Variants in GRK5 observed in about 807,000 individuals in gnomAD.
The protein encoded by GRK5 is g protein-coupled receptor kinase GRK5.
GRK5 carries 40 observed loss-of-function variants against 78.4 expected under a neutral mutation model. The observed-to-expected ratio is 0.51, with a 90% CI of 0.40 to 0.66. The LOEUF (loss-of-function observed/expected upper bound fraction) is 0.66. Ranked by LOEUF, GRK5 falls within the 30% of genes least tolerant of loss-of-function variation. The pLI is 0.00. For missense variants in GRK5, 598 were observed against 759.9 expected, an observed-to-expected ratio of 0.79 and a Z score of 2.50; for synonymous variants, 289 against 296.8, an observed-to-expected ratio of 0.97 and a Z score of 0.27.
At chr10:119,349,986 C>T (rs139188182) in intron 2 of GRK5, among the ~76,000 whole-genome samples, 49 of 152,372 alleles carry the variant, frequency 3.2e-4, no homozygotes, top group African/African-American at 1.1e-3. Flanking sequence ...TCTTGTTTTA[C>T]GGACCAGGCT....
At chr10:119,292,597 T>G (rs1325660649) in intron 1 of GRK5, among the ~76,000 whole-genome samples, 1 of 152,200 alleles carries the variant, frequency 6.6e-6, no homozygotes, top group Non-Finnish European at 1.5e-5. Flanking sequence ...GGGACAAGGC[T>G]CTCCAATCAT....
chr10:119,270,431 T>C (rs1321252634), intron 1 of GRK5, among the ~76,000 whole-genome samples: 1 of 152,244 alleles, frequency 6.6e-6, no homozygotes, highest in Non-Finnish European at 1.5e-5. Flanking sequence ...ACTTACATTG[T>C]ATTAGGTATT....
intron 13 of GRK5, among the ~76,000 whole-genome samples, chr10:119,449,769 A>G (rs368452738): frequency 6.6e-6 from 1 of 152,356 alleles, no homozygotes; most frequent in East Asian, 1.9e-4. Flanking sequence ...AGCCTGGGCG[A>G]CGGAGCGAGA....
chr10:119,265,675 C>T (rs998074566), intron 1 of GRK5, among the ~76,000 whole-genome samples: 5 of 152,220 alleles, frequency 3.3e-5, no homozygotes, highest in African/African-American at 9.6e-5. Flanking sequence ...TCAGTACAGT[C>T]GGAGTTCTCA....
intron 1 of GRK5, among the ~76,000 whole-genome samples, chr10:119,254,712 C>A (rs371002707): frequency 2.0e-5 from 3 of 151,936 alleles, no homozygotes; most frequent in African/African-American, 7.3e-5. Flanking sequence ...CAGGCAGAGA[C>A]ATATCAAAAC....
At position 119,430,521 on chromosome 10, in the gene GRK5, T is replaced by C. The variant is rs2133894348; in HGVS notation, c.597+83T>C. ...TCCCTTCTAAATCAACCTAAAGGGT[T>C]GGCCCACGGGTCCCCCGGGGGCACC... On this transcript the variant is annotated intron_variant, in intron 7 of 15. Coordinates refer to ENST00000392870, the MANE Select transcript of GRK5 (RefSeq NM_005308.3). This position sits in a 1 kb window ranked among gnomAD's most constrained non-coding sequence, Gnocchi z 4.5. 1 of 1,350,570 alleles carries C rather than the reference T, an allele frequency of 7.4e-7. No individual in the cohort carries two copies. The highest frequency in any genetic ancestry group is 2.4e-5 in the East Asian group (1 of 42,402). 83.7% of individuals were successfully genotyped at this position (1,350,570 alleles called of 1,614,324 possible).
chr10:119,237,216 C>T (rs887876940), intron 1 of GRK5, among the ~76,000 whole-genome samples: 1 of 152,066 alleles, frequency 6.6e-6, no homozygotes, highest in African/African-American at 2.4e-5. Flanking sequence ...GCATGTGCCA[C>T]CATTCCCAGC....
chr10:119,335,021 T>TG (rs1441103430), intron 2 of GRK5: 1 of 151,902 alleles, frequency 6.6e-6, no homozygotes, highest in Admixed American at 6.6e-5. Context: ...TCTTTTAACA[T>TG]GGGGGAAAAA....
At chr10:119,354,495 A>G (rs1160500094) in intron 2 of GRK5, among the ~76,000 whole-genome samples, 1 of 140,128 alleles carries the variant, frequency 7.1e-6, no homozygotes, top group African/African-American at 2.7e-5. Context: ...TCGACCTTCC[A>G]GGCTCAATTG....
In GRK5 at chr10:119,455,226, C is replaced by T; in HGVS notation, c.*159C>T. On this transcript the variant is annotated 3_prime_UTR_variant, in exon 16 of 16. Transcript: ENST00000392870. ...CCGTCGACGTAGAACCTCGAGGTTTCTCAAAGAAATTTCCACTCAGGTCTG... is the reference window on the plus strand; with the variant it reads ...CCGTCGACGTAGAACCTCGAGGTTTTTCAAAGAAATTTCCACTCAGGTCTG... 2 of 719,060 alleles carry T rather than the reference C, an allele frequency of 2.8e-6. No homozygotes were observed. The highest frequency in any genetic ancestry group is 5.0e-6 in the Non-Finnish European group (2 of 399,610). The allele number at this position is 719,060 out of a possible 1,614,324, so 44.5% of individuals were successfully genotyped here.
chr10:119,237,264 T>G (rs187722230), intron 1 of GRK5, among the ~76,000 whole-genome samples: 1 of 152,174 alleles, frequency 6.6e-6, no homozygotes, highest in Non-Finnish European at 1.5e-5. Flanking sequence ...GGTTTCATCA[T>G]GTTGGCCAGG....
chr10:119,406,799 G>A (rs1348195640), intron 4 of GRK5, among the ~76,000 whole-genome samples: 1 of 152,232 alleles, frequency 6.6e-6, no homozygotes, highest in African/African-American at 2.4e-5. Context: ...AGTAGTGAGG[G>A]ACAGGGGTTG....
intron 3 of GRK5, among the ~76,000 whole-genome samples, chr10:119,394,307 TGGGCACGTGG>T (rs1851967607): frequency 7.4e-4 from 10 of 13,430 alleles, no homozygotes; most frequent in Non-Finnish European, 2.5e-3. Flanking sequence ...TGTGTCTGTG[TGGGCACGTGG>T]GTGTGTGTAT....
chr10:119,362,654 T>G (rs1156328383), intron 2 of GRK5, among the ~76,000 whole-genome samples: 1 of 152,240 alleles, frequency 6.6e-6, no homozygotes, highest in Non-Finnish European at 1.5e-5. Context: ...GAACACGTGC[T>G]TTTGAGATTT....
At chr10:119,315,910 C>T (rs566320064) in intron 1 of GRK5, among the ~76,000 whole-genome samples, 3 of 152,308 alleles carry the variant, frequency 2.0e-5, no homozygotes, top group African/African-American at 7.2e-5. Flanking sequence ...AAAGACCCCG[C>T]TTCATGACAT....
chr10:119,214,813 G>T (rs1006426623), intron 1 of GRK5, among the ~76,000 whole-genome samples: 6 of 152,194 alleles, frequency 3.9e-5, no homozygotes, highest in African/African-American at 1.4e-4. Flanking sequence ...GAGCCACCAC[G>T]CCCGGCCAAC....
intron 1 of GRK5, among the ~76,000 whole-genome samples, chr10:119,275,612 C>T (rs921627737): frequency 1.6e-5 from 1 of 60,718 alleles, no homozygotes; most frequent in Non-Finnish European, 3.8e-5. Flanking sequence ...CTCTCTCTCT[C>T]GCACACACAC....
chr10:119,394,275 C>CACGTGTGT (rs1554916264), intron 3 of GRK5, among the ~76,000 whole-genome samples: 15 of 19,158 alleles, frequency 7.8e-4, no homozygotes, highest in Admixed American at 1.4e-3. Flanking sequence ...TGTGTGTGGG[C>CACGTGTGT]GTGTGTGTGG....
intron 8 of GRK5, among the ~76,000 whole-genome samples, chr10:119,432,914 T>C (rs1036444387): frequency 6.6e-6 from 1 of 152,080 alleles, no homozygotes; most frequent in Non-Finnish European, 1.5e-5. Context: ...CTACTAAAAA[T>C]ACAAAAATTA....
Sources: allele counts gnomAD v4.1 joint callset (sites outside exome capture counted in the v4.1 genomes callset), GRCh38; gene constraint gnomAD v4.1.1; non-coding constraint Gnocchi (gnomAD v3.1); transcripts MANE v1.5; gene names NCBI Gene and HGNC (gene_info 2026-07-23, HGNC 2026-07-21).